The following ULK4 variants were observed in gnomAD, a reference collection of about 807,000 sequenced individuals.
ULK4 encodes the protein inactive serine/threonine-protein kinase ULK4.
ULK4 carries 133 observed loss-of-function variants against 160.6 expected under a neutral mutation model. The ratio of observed to expected loss-of-function variants is 0.83; its 90% CI spans 0.72 to 0.96. The LOEUF (loss-of-function observed/expected upper bound fraction) is 0.96, where lower values mean the gene tolerates loss of function less well. Ranked by LOEUF, ULK4 falls within the 40% of genes least tolerant of loss-of-function variation. The pLI is 0.00. For missense variants in ULK4, 1,580 were observed against 1,499.5 expected (o/e 1.05, Z -0.89); for synonymous variants, 534 against 539.8 (o/e 0.99, Z 0.15).
intron 25 of ULK4, among the ~76,000 whole-genome samples, chr3:41,712,442 T>C (rs570506507): frequency 6.6e-6 from 1 of 152,352 alleles, no homozygotes; most frequent in South Asian, 2.1e-4. Flanking sequence ...TGGATACAGC[T>C]TCTAAAAGTG....
chr3:41,881,294 A>T (rs1433734897), intron 17 of ULK4, among the ~76,000 whole-genome samples: 1 of 22,380 alleles, frequency 4.5e-5, no homozygotes, highest in Non-Finnish European at 4.9e-4. Context: ...TAAAAAAAAA[A>T]AAAAAAAAAA....
At chr3:41,907,052 C>T (rs972075572) in intron 12 of ULK4, among the ~76,000 whole-genome samples, 3 of 151,984 alleles carry the variant, frequency 2.0e-5, no homozygotes, top group African/African-American at 7.2e-5. Flanking sequence ...TAACGAAAGA[C>T]CACATATTGT....
intron 35 of ULK4, among the ~76,000 whole-genome samples, chr3:41,320,572 C>A (rs747932042): frequency 6.6e-6 from 1 of 152,170 alleles, no homozygotes; most frequent in African/African-American, 2.4e-5. Flanking sequence ...AAGAATCCTT[C>A]TCAATTTTGA....
chr3:41,721,255 A>ATTTTT (rs67078042), intron 22 of ULK4, among the ~76,000 whole-genome samples: 8 of 45,042 alleles, frequency 1.8e-4, no homozygotes, highest in African/African-American at 7.0e-4. Flanking sequence ...TTCGCTTTGA[A>ATTTTT]TTTTTTTTTT....
At chr3:41,883,152 T>C (rs1697585529) in intron 17 of ULK4, among the ~76,000 whole-genome samples, 1 of 152,160 alleles carries the variant, frequency 6.6e-6, no homozygotes, top group Admixed American at 6.5e-5. Context: ...ATCCCAGCAA[T>C]TGGCTGCTGC....
At chr3:41,439,366 A>G (rs1437738847) in intron 34 of ULK4, among the ~76,000 whole-genome samples, 3 of 152,248 alleles carry the variant, frequency 2.0e-5, no homozygotes, top group Admixed American at 2.0e-4. Flanking sequence ...ATCACAAAAC[A>G]CAAATACCTT....
At chr3:41,535,528 T>C (rs1482363450) in intron 32 of ULK4, among the ~76,000 whole-genome samples, 1 of 152,206 alleles carries the variant, frequency 6.6e-6, no homozygotes. Flanking sequence ...TAATACTGTA[T>C]GAAATGCAAT....
At chr3:41,690,458 A>G (rs1188206897) in intron 27 of ULK4, among the ~76,000 whole-genome samples, 2 of 151,124 alleles carry the variant, frequency 1.3e-5, no homozygotes, top group Non-Finnish European at 3.0e-5. Context: ...AAAAATAATA[A>G]TAATTTTTAA....
rs1220256284 is a variant in ULK4 at position 41,892,453 on chromosome 3, AC to A, written c.1577+3064del. Among the ~76,000 whole-genome samples the A allele has an allele frequency of 9.8e-5, 15 of 152,356 alleles. No homozygotes were observed. The Middle Eastern group carries it at 0.01, about 104-fold the overall frequency. ...AAAGATATAAACAAGCCAGTGCCCAACAACAGATGAAAAGATAAACAAAATG... is the reference window on the plus strand; with the variant it reads ...AAAGATATAAACAAGCCAGTGCCCAAAACAGATGAAAAGATAAACAAAATG... On this transcript the variant is annotated intron_variant, in intron 16 of 36. Transcript: ENST00000301831.
intron 27 of ULK4, among the ~76,000 whole-genome samples, chr3:41,691,206 A>T (rs956810074): frequency 6.6e-6 from 1 of 151,914 alleles, no homozygotes; most frequent in Non-Finnish European, 1.5e-5. Flanking sequence ...GTATAACTCC[A>T]GTAAACACAG....
At chr3:41,429,004 T>C (rs986781610) in intron 34 of ULK4, among the ~76,000 whole-genome samples, 19 of 151,712 alleles carry the variant, frequency 1.3e-4, no homozygotes, top group Admixed American at 1.3e-4. Flanking sequence ...TTTCAATCTA[T>C]CCGTCAGACA....
chr3:41,623,532 G>A (rs1575494069), intron 30 of ULK4, among the ~76,000 whole-genome samples: 1 of 152,210 alleles, frequency 6.6e-6, no homozygotes, highest in Non-Finnish European at 1.5e-5. Flanking sequence ...ATACTCATCA[G>A]CCTTAAAGAA....
chr3:41,599,672 C>T (rs1213467061), intron 31 of ULK4, among the ~76,000 whole-genome samples: 1 of 148,324 alleles, frequency 6.7e-6, no homozygotes, highest in Non-Finnish European at 1.5e-5. Flanking sequence ...TCAAACAATT[C>T]TCCCACCCCA....
intron 35 of ULK4, among the ~76,000 whole-genome samples, chr3:41,379,807 A>G (rs1282935946): frequency 2.6e-5 from 4 of 152,214 alleles, no homozygotes; most frequent in Admixed American, 2.0e-4. Context: ...TTAAAGGCAA[A>G]TTCTTAAGAA....
intron 35 of ULK4, among the ~76,000 whole-genome samples, chr3:41,312,028 C>T (rs1014756217): frequency 2.0e-5 from 3 of 148,112 alleles, no homozygotes; most frequent in Non-Finnish European, 4.4e-5. Context: ...GGCTGAAGTG[C>T]AGTGGCATGA....
intron 17 of ULK4, among the ~76,000 whole-genome samples, chr3:41,880,832 A>G (rs1697489343): frequency 1.3e-5 from 2 of 152,166 alleles, no homozygotes; most frequent in Non-Finnish European, 2.9e-5. Flanking sequence ...GCTGAGGCTG[A>G]GAATCTCTTC....
At chr3:41,371,009 A>C (rs1375269952) in intron 35 of ULK4, among the ~76,000 whole-genome samples, 1 of 152,178 alleles carries the variant, frequency 6.6e-6, no homozygotes, top group African/African-American at 2.4e-5. Flanking sequence ...TTCCCTTCAC[A>C]GTGTAAACAA....
intron 30 of ULK4, among the ~76,000 whole-genome samples, chr3:41,647,089 T>G (rs2034529819): frequency 6.6e-6 from 1 of 152,206 alleles, no homozygotes; most frequent in Non-Finnish European, 1.5e-5. Flanking sequence ...TAGTTATACA[T>G]TCGTCTAAAT....
intron 31 of ULK4, among the ~76,000 whole-genome samples, chr3:41,614,759 T>C (rs1014114562): frequency 6.6e-6 from 1 of 152,216 alleles, no homozygotes; most frequent in African/African-American, 2.4e-5. Context: ...CATATGGACA[T>C]GACAGCACAC....
Sources: allele counts gnomAD v4.1 joint callset (sites outside exome capture counted in the v4.1 genomes callset), GRCh38; gene constraint gnomAD v4.1.1; transcripts MANE v1.5; gene names NCBI Gene and HGNC (gene_info 2026-07-23, HGNC 2026-07-21).